MORN4: variants seen among roughly 807,000 people sequenced by gnomAD.
The protein encoded by MORN4 is MORN repeat containing 4.
MORN4 carries 8 observed loss-of-function variants against 16.4 expected under a neutral mutation model. That is an observed-to-expected ratio of 0.49 (90% confidence interval 0.29 to 0.88). The LOEUF (loss-of-function observed/expected upper bound fraction) is 0.88. Ranked by LOEUF, MORN4 falls within the 40% of genes least tolerant of loss-of-function variation. The pLI is 0.09. For synonymous variants in MORN4, 53 were observed against 68.9 expected (o/e 0.77, Z 1.14); for missense variants, 159 against 182.9 (o/e 0.87, Z 0.75).
chr10:97,616,636 T>C (rs566851734), intron 4 of MORN4, 42 bp downstream of exon 4: 62 of 1,497,052 alleles, frequency 4.1e-5, no homozygotes, highest in Non-Finnish European at 5.7e-5. Context: ...CCACCCATAT[T>C]ATGCCCACCT....
At chr10:97,633,655 C>A, upstream of MORN4, 1 of 1,269,508 alleles carries the variant, frequency 7.9e-7, no homozygotes, top group South Asian at 1.3e-5. This position sits in a 1 kb window ranked among gnomAD's most constrained non-coding sequence, Gnocchi z 4.5. Flanking sequence ...CCCACCTCTG[C>A]AACGCAGATA....
At chr10:97,616,490 A>G (rs2041237518) in intron 4 of MORN4, 79 bp from the exon 5 acceptor site, 3 of 1,490,188 alleles carry the variant, frequency 2.0e-6, no homozygotes, top group Non-Finnish European at 2.7e-6. Flanking sequence ...TGGCCTTGAT[A>G]TGTCCAGGCC....
intron 1 of MORN4, among the ~76,000 whole-genome samples, chr10:97,622,116 T>A: frequency 6.6e-6 from 1 of 152,174 alleles, no homozygotes; most frequent in Non-Finnish European, 1.5e-5. Context: ...CAGGCAAGAC[T>A]AGAAGAACTG....
chr10:97,626,291 C>T (rs1194878481), intron 1 of MORN4, among the ~76,000 whole-genome samples: 1 of 151,618 alleles, frequency 6.6e-6, no homozygotes, highest in Admixed American at 6.6e-5. Context: ...ACAGGAGAAT[C>T]ACTTGAATCT....
intron 1 of MORN4, among the ~76,000 whole-genome samples, chr10:97,627,628 C>T (rs1245401221): frequency 2.0e-5 from 3 of 152,176 alleles, no homozygotes; most frequent in African/African-American, 4.8e-5. Context: ...ATTCATTTCT[C>T]GCCTAAATGA....
chr10:97,616,853 A>G, intron 3 of MORN4, 66 bp from the exon 4 acceptor site: 2 of 1,114,736 alleles, frequency 1.8e-6, no homozygotes, highest in Non-Finnish European at 2.7e-6. Context: ...GGAGTCGAGC[A>G]GCTGCTGATC....
At chr10:97,632,044 C>T (rs998692512) in intron 1 of MORN4, among the ~76,000 whole-genome samples, 3 of 151,950 alleles carry the variant, frequency 2.0e-5, no homozygotes, top group Admixed American at 2.0e-4. Flanking sequence ...ACCCACATGT[C>T]CCCCCAGAAC....
intron 1 of MORN4, among the ~76,000 whole-genome samples, chr10:97,627,355 G>T (rs1428643882): frequency 6.6e-6 from 1 of 151,998 alleles, no homozygotes; most frequent in Admixed American, 6.6e-5. Context: ...TGTTGGCCAG[G>T]CTGGTCTTGA....
intron 1 of MORN4, among the ~76,000 whole-genome samples, chr10:97,627,867 C>T (rs1014577456): frequency 6.6e-6 from 1 of 152,164 alleles, no homozygotes; most frequent in Non-Finnish European, 1.5e-5. Flanking sequence ...CTATCAATGT[C>T]CCACAAGGTC....
At chr10:97,623,975 A>T (rs1340142022) in intron 1 of MORN4, among the ~76,000 whole-genome samples, 1 of 151,860 alleles carries the variant, frequency 6.6e-6, no homozygotes, top group African/African-American at 2.4e-5. Context: ...TGACCTCGTG[A>T]TCCGCCCGCC....
intron 1 of MORN4, among the ~76,000 whole-genome samples, chr10:97,621,583 T>C (rs2135737376): frequency 6.6e-6 from 1 of 152,234 alleles, no homozygotes; most frequent in East Asian, 1.9e-4. Flanking sequence ...GATCCTCCCA[T>C]TAAGAGGCAG....
At chr10:97,632,027 C>T (rs1483295575) in intron 1 of MORN4, among the ~76,000 whole-genome samples, 1 of 151,998 alleles carries the variant, frequency 6.6e-6, no homozygotes, top group Non-Finnish European at 1.5e-5. Context: ...AGGCAGCCAC[C>T]CTAACTACCC....
intron 1 of MORN4, 142 bp from the exon 2 acceptor site, chr10:97,619,825 A>G (rs1443055692): frequency 3.4e-6 from 2 of 594,906 alleles, no homozygotes; most frequent in African/African-American, 3.7e-5. Flanking sequence ...AAATACCCCT[A>G]TCTCCAACCA....
chr10:97,627,244 A>G (rs1051693784), intron 1 of MORN4, among the ~76,000 whole-genome samples: 11 of 151,942 alleles, frequency 7.2e-5, no homozygotes, highest in Admixed American at 6.6e-4. Flanking sequence ...CCTGGGTTCA[A>G]GCAATTCTCG....
chr10:97,624,301 G>A (rs1284861070), intron 1 of MORN4, among the ~76,000 whole-genome samples: 1 of 152,116 alleles, frequency 6.6e-6, no homozygotes, highest in African/African-American at 2.4e-5. Context: ...CAATTCAGGT[G>A]GCACAACCCT....
chr10:97,616,447 T>C (rs768473070), intron 4 of MORN4, 36 bp from the exon 5 acceptor site: 4 of 1,561,212 alleles, frequency 2.6e-6, no homozygotes, highest in Non-Finnish European at 3.5e-6. Flanking sequence ...GGAGTGACAA[T>C]GGCATTAATG....
In MORN4 at chr10:97,619,629, T is replaced by C. The variant is rs2041270254; in HGVS notation, c.25A>G (p.Thr9Ala). MTLTKGSF[T>A]YSSGEEYRGE... ...CGATATTCCTCCCCACTGGAGTAGG[T>C]GAAGGAACCTTTTGTCAGGGTCATG... The change falls in exon 2 of 5, where the codon ACC (threonine) becomes GCC (alanine). Residue 9 changes from threonine to alanine, a missense_variant. By Grantham distance (58) the Thr-to-Ala change is moderately conservative. Transcript: ENST00000307450. 2 of 1,613,998 alleles carry C rather than the reference T, an allele frequency of 1.2e-6. No homozygotes were observed. The highest frequency in any genetic ancestry group is 8.5e-7 in the Non-Finnish European group (1 of 1,179,940).
rs368332732 is a variant in MORN4 at position 97,616,258 on chromosome 10, C to T, written c.*5G>A. 1.1e-4 allele frequency: 181 copies of T among 1,580,922 alleles called. 2 individuals are homozygous for T. In the South Asian group the frequency reaches 1.4e-3, roughly 12 times the overall value. ...AATACTTATCAGCTGGTGCCCACTG[C>T]GCTGTCAGGCAGTGAGATTTCTGGC... On this transcript the variant is annotated 3_prime_UTR_variant, in exon 5 of 5. Coordinates refer to ENST00000307450, the MANE Select transcript of MORN4 (RefSeq NM_178832.4).
chr10:97,628,717 A>G (rs1194480175), intron 1 of MORN4, among the ~76,000 whole-genome samples: 2 of 152,102 alleles, frequency 1.3e-5, no homozygotes, highest in Non-Finnish European at 2.9e-5. Context: ...TTTTTAGTAG[A>G]GATGGGGTTT....
Sources: allele counts gnomAD v4.1 joint callset (sites outside exome capture counted in the v4.1 genomes callset), GRCh38; gene constraint gnomAD v4.1.1; non-coding constraint Gnocchi (gnomAD v3.1); transcripts MANE v1.5; gene names NCBI Gene and HGNC (gene_info 2026-07-23, HGNC 2026-07-21).